CKMT2: variants seen among roughly 807,000 people sequenced by gnomAD.
The protein encoded by CKMT2 is creatine kinase, mitochondrial 2, also known as creatine kinase S-type, mitochondrial.
CKMT2 carries 43 observed loss-of-function variants against 48.9 expected under a neutral mutation model. That is an observed-to-expected ratio of 0.88 (90% CI 0.69 to 1.13). The LOEUF (loss-of-function observed/expected upper bound fraction) is 1.13. Ranked by LOEUF, CKMT2 falls within the 50% of genes most tolerant of loss-of-function variation. The pLI, the probability that CKMT2 is intolerant of heterozygous loss-of-function variation, is 0.00. For missense variants in CKMT2, 472 were observed against 555.4 expected (o/e 0.85, Z 1.51); for synonymous variants, 206 against 213.0 (o/e 0.97, Z 0.29).
At chr5:81,265,343 A>T (rs922547285) in intron 9 of CKMT2, among the ~76,000 whole-genome samples, 2 of 152,204 alleles carry the variant, frequency 1.3e-5, no homozygotes, top group African/African-American at 4.8e-5. Context: ...ATAAAGAGAT[A>T]GATAGGGAGG....
chr5:81,251,601 CAA>C (rs1474570189), intron 2 of CKMT2, among the ~76,000 whole-genome samples: 1 of 151,888 alleles, frequency 6.6e-6, no homozygotes, highest in Non-Finnish European at 1.5e-5. Context: ...CAAAACAAAA[CAA>C]AAACAAAAAC....
chr5:81,247,427 A>C (rs1252052474), intron 1 of CKMT2, among the ~76,000 whole-genome samples: 1 of 152,202 alleles, frequency 6.6e-6, no homozygotes, highest in African/African-American at 2.4e-5. Flanking sequence ...GCAAATAACA[A>C]ATCAAGCCTC....
chr5:81,252,739 A>G lies in CKMT2; in HGVS notation c.197A>G (p.Glu66Gly). 1 of 1,614,216 alleles carries G rather than the reference A, an allele frequency of 6.2e-7. No individual in the cohort carries two copies. The highest frequency in any genetic ancestry group is 8.5e-7 in the Non-Finnish European group (1 of 1,180,040). ...DLRKHNNCMA[E>G]CLTPAIYAKL... is the part of the protein sequence containing the mutation. ...CGCAAGCACAACAACTGCATGGCCG[A>G]GTGCCTCACCCCCGCCATTTATGCC... The change falls in exon 3 of 10, where the codon GAG becomes GGG. Residue 66 changes from glutamate to glycine, a missense_variant. Physicochemically the swap from Glu to Gly is moderately conservative, Grantham distance 98. Transcript: ENST00000254035.
intron 3 of CKMT2, among the ~76,000 whole-genome samples, chr5:81,253,875 C>A (rs925614394): frequency 6.6e-6 from 1 of 152,204 alleles, no homozygotes; most frequent in African/African-American, 2.4e-5. Flanking sequence ...AGGTCCGCAT[C>A]GGGTGAGAGG....
intron 8 of CKMT2, among the ~76,000 whole-genome samples, chr5:81,260,801 TACCAG>T (rs1370605440): frequency 6.6e-6 from 1 of 152,194 alleles, no homozygotes; most frequent in Non-Finnish European, 1.5e-5. Context: ...GAGGAGCTGG[TACCAG>T]TCCTTCTGAA....
intron 1 of CKMT2, chr5:81,242,511 T>C: frequency 2.0e-6 from 1 of 490,144 alleles, no homozygotes; most frequent in East Asian, 5.1e-5. Flanking sequence ...TAGGTTGATT[T>C]GGTGTTCAGC....
intron 5 of CKMT2, among the ~76,000 whole-genome samples, chr5:81,256,334 T>C (rs1757008467): frequency 1.3e-5 from 2 of 152,354 alleles, no homozygotes; most frequent in East Asian, 3.9e-4. Context: ...CTGAATCTGT[T>C]TTCTTCATTT....
At chr5:81,257,067 C>G in intron 6 of CKMT2, 67 bp downstream of exon 6, 3 of 1,335,296 alleles carry the variant, frequency 2.2e-6, no homozygotes, top group Non-Finnish European at 3.2e-6. Flanking sequence ...CCTGCTTATC[C>G]TAACCTGGAG....
At chr5:81,254,255 T>C in intron 3 of CKMT2, 141 bp from the exon 4 acceptor site, 1 of 628,004 alleles carries the variant, frequency 1.6e-6, no homozygotes, top group East Asian at 2.8e-5. Flanking sequence ...TCACATCCAT[T>C]TCCTATATGA....
At chr5:81,235,583 AG>A (rs1472626882) in intron 1 of CKMT2, among the ~76,000 whole-genome samples, 2 of 152,210 alleles carry the variant, frequency 1.3e-5, no homozygotes, top group Admixed American at 6.5e-5. Context: ...CGGGATGCCC[AG>A]GAAGAGCAGG....
chr5:81,249,617 TATAA>T (rs1756734344), intron 1 of CKMT2, among the ~76,000 whole-genome samples: 1 of 151,210 alleles, frequency 6.6e-6, no homozygotes, highest in Non-Finnish European at 1.5e-5. Flanking sequence ...CAAATAAATA[TATAA>T]ATACTTATTT....
intron 1 of CKMT2, among the ~76,000 whole-genome samples, chr5:81,235,284 G>A (rs1449213619): frequency 6.6e-6 from 1 of 152,190 alleles, no homozygotes; most frequent in Non-Finnish European, 1.5e-5. Context: ...GTACTAAGTG[G>A]TTTTGAGGTA....
At chr5:81,233,402 T>C in intron 1 of CKMT2, 25 bp downstream of exon 1, 1 of 985,592 alleles carries the variant, frequency 1.0e-6, no homozygotes, top group Non-Finnish European at 1.2e-6. Context: ...GAAACTCTGC[T>C]TTATTCCTCC....
At chr5:81,249,686 TTC>T (rs58200753) in intron 1 of CKMT2, among the ~76,000 whole-genome samples, 2,674 of 152,330 alleles carry the variant, frequency 0.018, 70 homozygotes, top group African/African-American at 0.06. Flanking sequence ...GTCATTTCCT[TTC>T]TTTCTGAAGC....
At chr5:81,240,333 A>G (rs1226572821) in intron 1 of CKMT2, among the ~76,000 whole-genome samples, 2 of 152,222 alleles carry the variant, frequency 1.3e-5, no homozygotes, top group Non-Finnish European at 2.9e-5. Flanking sequence ...CATACCTGAG[A>G]GACCAGGGAG....
At chr5:81,243,214 G>A (rs991422649) in intron 1 of CKMT2, among the ~76,000 whole-genome samples, 15 of 152,132 alleles carry the variant, frequency 9.9e-5, no homozygotes, top group Non-Finnish European at 2.2e-4. Context: ...GAGTTTACCC[G>A]CAGATGCCAA....
Position 81,252,768 on chromosome 5 carries a change from C to T in CKMT2, c.226C>T (p.Leu76Phe). 6.2e-7 allele frequency: 1 copy of T among 1,614,246 alleles called. No individual in the cohort carries two copies. The highest frequency in any genetic ancestry group is 8.5e-7 in the Non-Finnish European group (1 of 1,180,044). The change falls in exon 3 of 10, where the codon CTT (leucine) becomes TTT (phenylalanine). Residue 76 changes from leucine to phenylalanine, a missense_variant. Coordinates refer to ENST00000254035, the MANE Select transcript of CKMT2 (RefSeq NM_001099735.2). Reference sequence around the variant, plus strand: ...CCTCACCCCCGCCATTTATGCCAAGCTTCGCAACAAGGTGACACCCAACGG... The same window carrying T: ...CCTCACCCCCGCCATTTATGCCAAGTTTCGCAACAAGGTGACACCCAACGG... ...ECLTPAIYAK[L>F]RNKVTPNGYT... is the part of the protein sequence containing the mutation.
At chr5:81,253,946 A>G (rs1261879239) in intron 3 of CKMT2, among the ~76,000 whole-genome samples, 1 of 152,254 alleles carries the variant, frequency 6.6e-6, no homozygotes. Context: ...GGTTTTCAAC[A>G]AATTTCATAT....
At chr5:81,262,302 A>G (rs954846714) in intron 8 of CKMT2, among the ~76,000 whole-genome samples, 1 of 152,360 alleles carries the variant, frequency 6.6e-6, no homozygotes, top group East Asian at 1.9e-4. Flanking sequence ...CATGACTAAA[A>G]CACCAAGAGC....
Sources: gnomAD v4.1 joint callset for allele counts (sites outside exome capture counted in the v4.1 genomes callset) on GRCh38, gnomAD v4.1.1 for gene constraint, MANE v1.5 for transcripts, NCBI Gene and HGNC (gene_info 2026-07-23, HGNC 2026-07-21) for gene names.